Variants in LAIR1 observed in about 807,000 individuals in gnomAD.
LAIR1 encodes leukocyte associated immunoglobulin like receptor 1.
Under a neutral mutation model 32.8 loss-of-function variants are expected in LAIR1, and 24 were observed. That is an observed-to-expected ratio of 0.73 (90% CI 0.53 to 1.03). LAIR1 has a LOEUF of 1.03. LAIR1 is among the 50% of genes least tolerant of loss of function. The pLI is 0.00. For missense variants in LAIR1, 355 were observed against 347.5 expected (o/e 1.02, Z -0.17); for synonymous variants, 150 against 140.5 (o/e 1.07, Z -0.48).
chr19:54,354,230 TGTGTGTGTGC>T lies in LAIR1; in HGVS notation c.*1028_*1037del, dbSNP rs2081605749. 6.6e-6 allele frequency: 1 copy of T among 152,244 alleles called. No homozygotes were observed. The highest frequency in any genetic ancestry group is 2.4e-5 in the African/African-American group (1 of 41,452). 9.4% of individuals were successfully genotyped at this position (152,244 alleles called of 1,614,324 possible). ...GGGCGTGTGAGTGTATGTGCATGTCTGTGTGTGTGCGTGTGTGTATGCATGTGTGTGAGAG... is the reference window on the plus strand; with the variant it reads ...GGGCGTGTGAGTGTATGTGCATGTCTGTGTGTGTATGCATGTGTGTGAGAG... On this transcript the variant is annotated 3_prime_UTR_variant, in exon 10 of 10. Coordinates refer to ENST00000391742, the MANE Select transcript of LAIR1 (RefSeq NM_002287.6).
upstream of LAIR1, among the ~76,000 whole-genome samples, chr19:54,365,781 T>TAA (rs143572464): frequency 2.4e-4 from 31 of 131,716 alleles, no homozygotes; most frequent in African/African-American, 7.0e-4. Context: ...AGACTCTGTC[T>TAA]AAAAAAAAAA....
At chr19:54,369,705 A>AT (rs2082356883), upstream of LAIR1, among the ~76,000 whole-genome samples, 2 of 151,630 alleles carry the variant, frequency 1.3e-5, no homozygotes, top group Admixed American at 1.3e-4. Flanking sequence ...ACTCAGATAC[A>AT]TACACAATAT....
Position 54,355,744 on chromosome 19 carries a change from C to T in LAIR1, c.717+210G>A, listed in dbSNP as rs774159752. 4.6e-5 allele frequency among the ~76,000 whole-genome samples: 7 copies of T among 152,086 alleles called. No homozygotes were observed. The highest frequency in any genetic ancestry group is 8.8e-5 in the Non-Finnish European group (6 of 68,024). ...GGAACAGAGGTTTCCTGCCCACAGC[C>T]GGGGAAGTGAGCGTCTTGGACGTGG... On this transcript the variant is annotated intron_variant, in intron 9 of 9. Coordinates refer to ENST00000391742, the MANE Select transcript of LAIR1 (RefSeq NM_002287.6). This position sits in a 1 kb window ranked among gnomAD's most constrained non-coding sequence, Gnocchi z 4.7.
At chr19:54,375,679 G>A in the LAIR1 span, among the ~76,000 whole-genome samples, 1 of 151,830 alleles carries the variant, frequency 6.6e-6, no homozygotes, top group Non-Finnish European at 1.5e-5. Context: ...CCTTCGATGG[G>A]CCACCTCCCC....
At position 54,364,207 on chromosome 19, in the gene LAIR1, G is replaced by A. The variant is rs1362228167; in HGVS notation, c.70+88C>T. 8.4e-6 allele frequency: 12 copies of A among 1,431,514 alleles called. No individual in the cohort carries two copies. The highest frequency in any genetic ancestry group is 1.4e-5 in the African/African-American group (1 of 70,422). The allele number at this position is 1,431,514 out of a possible 1,614,324, so 88.7% of individuals were successfully genotyped here. A position where few individuals can be genotyped will look rare whatever the true frequency, so the allele number is the denominator to read the frequency against. On this transcript the variant is annotated intron_variant, in intron 2 of 9. Coordinates refer to ENST00000391742, the MANE Select transcript of LAIR1 (RefSeq NM_002287.6). The surrounding 1 kb of genome is among the most constrained non-coding windows in gnomAD (Gnocchi z 4.8). ...GGTATATTTAAAGGGATCTCTCCAGGCCCTCTAAGAATCAACATCACTCCC... is the reference window on the plus strand; with the variant it reads ...GGTATATTTAAAGGGATCTCTCCAGACCCTCTAAGAATCAACATCACTCCC...
Position 54,355,950 on chromosome 19 carries a change from T to TCAC in LAIR1, c.717+1_717+3dup, listed in dbSNP as rs1250614231. 6.3e-7 allele frequency: 1 copy of TCAC among 1,589,996 alleles called. No individual in the cohort carries two copies. The highest frequency in any genetic ancestry group is 8.6e-7 in the Non-Finnish European group (1 of 1,157,668). ...GTACTTTAATAACTAGTAGGAAGGC[T>TCAC]CACCGAGGTGTCCGTCTCTCTGTCC... is the stretch of plus-strand genomic sequence containing the variant. On this transcript the variant is annotated splice_donor_region_variant and intron_variant, in intron 9 of 9. Coordinates refer to ENST00000391742, the MANE Select transcript of LAIR1 (RefSeq NM_002287.6). This position sits in a 1 kb window ranked among gnomAD's most constrained non-coding sequence, Gnocchi z 4.7.
rs772527511 is a variant in LAIR1, at chr19:54,364,352, GA to G, written c.35-23del. On this transcript the variant is annotated intron_variant, in intron 1 of 9. Coordinates refer to ENST00000391742, the MANE Select transcript of LAIR1 (RefSeq NM_002287.6). The surrounding 1 kb of genome is among the most constrained non-coding windows in gnomAD (Gnocchi z 4.8). ...AGCACTGGAAGAGAAGCCCCAGTGA[GA>G]AAAATGCCCAGTGCCCAGTCTCCTT... The G allele has an allele frequency of 6.2e-7, 1 of 1,613,910 alleles. No individual in the cohort carries two copies. Among genetic ancestry groups the G allele is most frequent in the Admixed American group, 1.7e-5 (1 of 60,000 alleles).
rs1347059626 is a variant in LAIR1 at position 54,353,586 on chromosome 19, T to C, written c.*1682A>G. Reference sequence around the variant, plus strand: ...ACTTCATGTCTCGGTCCATAGTTTCTGTTTTTATAAATGAGGAAAATAATA... The same window carrying C: ...ACTTCATGTCTCGGTCCATAGTTTCCGTTTTTATAAATGAGGAAAATAATA... On this transcript the variant is annotated 3_prime_UTR_variant, in exon 10 of 10. Coordinates refer to ENST00000391742, the MANE Select transcript of LAIR1 (RefSeq NM_002287.6). 1 of 152,140 alleles carries C rather than the reference T, an allele frequency of 6.6e-6. No individual in the cohort carries two copies. The highest frequency in any genetic ancestry group is 1.5e-5 in the Non-Finnish European group (1 of 68,024). The allele number at this position is 152,140 out of a possible 1,614,324, so 9.4% of individuals were successfully genotyped here.
Position 54,364,766 on chromosome 19 carries a change from C to T in LAIR1, c.34+5G>A. The T allele has an allele frequency of 1.2e-6, 2 of 1,613,632 alleles. No individual in the cohort carries two copies. The highest frequency in any genetic ancestry group is 1.7e-6 in the Non-Finnish European group (2 of 1,179,596). On this transcript the variant is annotated splice_donor_5th_base_variant and intron_variant, in intron 1 of 9. Coordinates refer to ENST00000391742, the MANE Select transcript of LAIR1 (RefSeq NM_002287.6). This position sits in a 1 kb window ranked among gnomAD's most constrained non-coding sequence, Gnocchi z 4.8. ...TCCAGCCTCCCGGCTGCCTCCAGGA[C>T]TCACCTAGGCCCAGGAGGGCGGTGG...
the LAIR1 span, among the ~76,000 whole-genome samples, chr19:54,375,856 A>T: frequency 6.6e-6 from 1 of 151,848 alleles, no homozygotes; most frequent in Admixed American, 6.6e-5. Context: ...TTCAAAAGTC[A>T]TATATAGCAT....
chr19:54,363,487 G>C (rs10414029), intron 2 of LAIR1, among the ~76,000 whole-genome samples: 73,673 of 151,952 alleles, frequency 0.48, 18,175 homozygotes, highest in African/African-American at 0.55. Context: ...CGGAGCTGAC[G>C]CCTGCACTCC....
At position 54,364,529 on chromosome 19, in the gene LAIR1, A is replaced by G; in HGVS notation, c.35-199T>C. The G allele has an allele frequency of 1.2e-6, 1 of 812,092 alleles. No homozygotes were observed. The highest frequency in any genetic ancestry group is 2.1e-6 in the Non-Finnish European group (1 of 471,006). The allele number at this position is 812,092 out of a possible 1,614,324, so 50.3% of individuals were successfully genotyped here. A position where few individuals can be genotyped will look rare whatever the true frequency, so the allele number is the denominator to read the frequency against. ...GATAAATCCCAAAGTCTCCTCCTCC[A>G]AAAAGGCTCCTGCTCCCCCAGCCCT... On this transcript the variant is annotated intron_variant, in intron 1 of 9. Coordinates refer to ENST00000391742, the MANE Select transcript of LAIR1 (RefSeq NM_002287.6). This position sits in a 1 kb window ranked among gnomAD's most constrained non-coding sequence, Gnocchi z 4.8.
chr19:54,373,278 TAA>T (rs533566504), upstream of LAIR1, among the ~76,000 whole-genome samples: 124 of 148,300 alleles, frequency 8.4e-4, no homozygotes, highest in South Asian at 0.019. Flanking sequence ...CCATCTCTAC[TAA>T]AAAAATACAA....
In LAIR1 at chr19:54,351,802, C is replaced by T. The variant is rs2081537389; in HGVS notation, c.*3466G>A. On this transcript the variant is annotated 3_prime_UTR_variant, in exon 10 of 10. Transcript: ENST00000391742. ...AAGGTAGACGAGGTGTTGGGCAGCCCTGGACACCCTCAGAAAATATCCCTT... is the reference window on the plus strand; with the variant it reads ...AAGGTAGACGAGGTGTTGGGCAGCCTTGGACACCCTCAGAAAATATCCCTT... The T allele has an allele frequency of 6.6e-6, 1 of 151,700 alleles. No homozygotes were observed. Among genetic ancestry groups the T allele is most frequent in the Non-Finnish European group, 1.5e-5 (1 of 67,972 alleles). The allele number at this position is 151,700 out of a possible 1,614,324, so 9.4% of individuals were successfully genotyped here. A position where few individuals can be genotyped will look rare whatever the true frequency, so the allele number is the denominator to read the frequency against.
In LAIR1 at chr19:54,356,501, C is replaced by T; in HGVS notation, c.573G>A (p.Gln191=). The T allele has an allele frequency of 6.2e-7, 1 of 1,614,022 alleles. No homozygotes were observed. Residue 191 remains glutamine (Q), a synonymous_variant, in exon 6 of 10, where the codon CAG becomes CAA. Coordinates refer to ENST00000391742, the MANE Select transcript of LAIR1 (RefSeq NM_002287.6). ...LVLFCLHRQN[Q]IKQGPPRSKD... Reference sequence around the variant, plus strand: ...GCCCCTGAGACCTACCCTGCTTTATCTGATTCTGGCGATGGAGGCAGAAGA... The same window carrying T: ...GCCCCTGAGACCTACCCTGCTTTATTTGATTCTGGCGATGGAGGCAGAAGA...
At chr19:54,375,073 A>G (rs1328113174), upstream of LAIR1, among the ~76,000 whole-genome samples, 2 of 152,190 alleles carry the variant, frequency 1.3e-5, no homozygotes, top group Non-Finnish European at 2.9e-5. Context: ...ACGTCGCTCA[A>G]AATCTGCACT....
In LAIR1 at chr19:54,355,551, C is replaced by T; in HGVS notation, c.718-137G>A. On this transcript the variant is annotated intron_variant, in intron 9 of 9. Transcript: ENST00000391742. This position sits in a 1 kb window ranked among gnomAD's most constrained non-coding sequence, Gnocchi z 4.7. ...AAATTGCATCCGTGTGAAGAGCCCT[C>T]CCACAGGGTATTGGGGTTGGTTTAC... 1.4e-6 allele frequency: 1 copy of T among 717,276 alleles called. No individual in the cohort carries two copies. The highest frequency in any genetic ancestry group is 2.2e-6 in the Non-Finnish European group (1 of 445,058). 44.4% of individuals were successfully genotyped at this position (717,276 alleles called of 1,614,324 possible). A position where few individuals can be genotyped will look rare whatever the true frequency, so the allele number is the denominator to read the frequency against.
chr19:54,364,967 T>C, upstream of LAIR1: 2 of 1,515,128 alleles, frequency 1.3e-6, no homozygotes, highest in East Asian at 4.9e-5. This position sits in a 1 kb window ranked among gnomAD's most constrained non-coding sequence, Gnocchi z 4.8. Flanking sequence ...TGTCCTGTTC[T>C]TTCCACCCTT....
At chr19:54,367,681 G>C (rs551511915), upstream of LAIR1, among the ~76,000 whole-genome samples, 47 of 151,798 alleles carry the variant, frequency 3.1e-4, no homozygotes, top group East Asian at 8.8e-3. Flanking sequence ...GGGAGGCGGA[G>C]GCTGCAGTGA....
Sources: gnomAD v4.1 joint callset for allele counts (sites outside exome capture counted in the v4.1 genomes callset) on GRCh38, gnomAD v4.1.1 for gene constraint, Gnocchi (gnomAD v3.1) non-coding constraint, MANE v1.5 for transcripts, NCBI Gene and HGNC (gene_info 2026-07-23, HGNC 2026-07-21) for gene names.